NKAIN3: variants seen among roughly 807,000 people sequenced by gnomAD.
NKAIN3 encodes the protein sodium/potassium transporting ATPase interacting 3.
NKAIN3 carries 25 observed loss-of-function variants against 30.2 expected under a neutral mutation model. The observed-to-expected ratio is 0.83, with a 90% CI of 0.60 to 1.16. NKAIN3 has a LOEUF of 1.16. Ranked by LOEUF, NKAIN3 falls within the 50% of genes most tolerant of loss-of-function variation. The pLI is 0.00. For synonymous variants in NKAIN3, 91 were observed against 89.6 expected (o/e 1.02, Z -0.09); for missense variants, 225 against 254.1 (o/e 0.89, Z 0.78).
intron 2 of NKAIN3, among the ~76,000 whole-genome samples, chr8:62,580,107 C>A (rs1563468020): frequency 6.6e-6 from 1 of 152,044 alleles, no homozygotes; most frequent in African/African-American, 2.4e-5. Flanking sequence ...TCACTGAAAA[C>A]AATAATGTAT....
At position 62,699,381 on chromosome 8, in the gene NKAIN3, TA is replaced by T. The variant is rs1814261448; in HGVS notation, c.274-47546del. Among the ~76,000 whole-genome samples, 3 of 152,324 alleles carry T rather than the reference TA, an allele frequency of 2.0e-5. No homozygotes were observed. The South Asian group carries it at 6.2e-4, about 32-fold the overall frequency. The stretch of plus-strand genomic sequence containing the variant: ...TATTAAACTTTGAATGATGACCAAT[TA>T]AAAACGTCTTTAAATGGCATTGCCC... On this transcript the variant is annotated intron_variant, in intron 3 of 6. Coordinates refer to ENST00000623646, the MANE Select transcript of NKAIN3 (RefSeq NM_001304533.3).
In NKAIN3 at chr8:62,804,832, A is replaced by T; in HGVS notation, c.471+57703A>T. 1.3e-5 allele frequency among the ~76,000 whole-genome samples: 2 copies of T among 152,204 alleles called. 1 individual carries two copies. The highest frequency in any genetic ancestry group is 2.9e-5 in the Non-Finnish European group (2 of 68,038). ...TAGGCAGGAGAAGGAAATAAAGGGTATTCAATTAGGAAAAGAGGAAGTCAA... is the reference window on the plus strand; with the variant it reads ...TAGGCAGGAGAAGGAAATAAAGGGTTTTCAATTAGGAAAAGAGGAAGTCAA... On this transcript the variant is annotated intron_variant, in intron 4 of 6. Coordinates refer to ENST00000623646, the MANE Select transcript of NKAIN3 (RefSeq NM_001304533.3).
At chr8:62,323,760 TA>T (rs1815020244) in intron 1 of NKAIN3, among the ~76,000 whole-genome samples, 1 of 152,068 alleles carries the variant, frequency 6.6e-6, no homozygotes, top group Non-Finnish European at 1.5e-5. Context: ...GACAATGAAA[TA>T]TTATTGACCA....
At chr8:62,324,228 A>G (rs1023608227) in intron 1 of NKAIN3, among the ~76,000 whole-genome samples, 2 of 152,158 alleles carry the variant, frequency 1.3e-5, no homozygotes, top group African/African-American at 2.4e-5. Context: ...GAGAGGATAT[A>G]TAGGAACTCT....
intron 1 of NKAIN3, among the ~76,000 whole-genome samples, chr8:62,537,286 C>T (rs1480433255): frequency 1.9e-4 from 29 of 152,152 alleles, no homozygotes; most frequent in Admixed American, 1.9e-3. Context: ...AGGTTAAGGA[C>T]TCTTTGAAGC....
At chr8:62,408,730 A>T (rs1050624561) in intron 1 of NKAIN3, among the ~76,000 whole-genome samples, 1 of 152,164 alleles carries the variant, frequency 6.6e-6, no homozygotes, top group African/African-American at 2.4e-5. Context: ...CACTGCCATT[A>T]CCATGTCCAA....
chr8:62,864,151 G>A (rs1820347630), intron 4 of NKAIN3: 5 of 624,122 alleles, frequency 8.0e-6, no homozygotes, highest in Non-Finnish European at 1.4e-5. Context: ...GAAACCAGCC[G>A]GGCTGCGGCT....
intron 4 of NKAIN3, among the ~76,000 whole-genome samples, chr8:62,756,864 A>G (rs1816469461): frequency 6.6e-6 from 1 of 152,170 alleles, no homozygotes; most frequent in Non-Finnish European, 1.5e-5. Flanking sequence ...TAAACAACAG[A>G]ATTCAGTCTC....
intron 4 of NKAIN3, among the ~76,000 whole-genome samples, chr8:62,787,532 A>T (rs1817561418): frequency 6.6e-6 from 1 of 152,000 alleles, no homozygotes; most frequent in African/African-American, 2.4e-5. Context: ...CTTTTTTTAA[A>T]ATTATTATTA....
At chr8:62,419,498 A>G (rs1804564906) in intron 1 of NKAIN3, among the ~76,000 whole-genome samples, 1 of 152,244 alleles carries the variant, frequency 6.6e-6, no homozygotes, top group Non-Finnish European at 1.5e-5. Flanking sequence ...CTTACCTGCC[A>G]GTAAATGGCC....
intron 6 of NKAIN3, among the ~76,000 whole-genome samples, chr8:62,960,182 C>A (rs896157753): frequency 2.0e-5 from 3 of 152,096 alleles, no homozygotes; most frequent in Non-Finnish European, 4.4e-5. Flanking sequence ...TTTATTAGGA[C>A]GGAATGATGC....
chr8:62,832,511 C>T (rs1201977165), intron 4 of NKAIN3, among the ~76,000 whole-genome samples: 1 of 149,106 alleles, frequency 6.7e-6, no homozygotes, highest in Non-Finnish European at 1.5e-5. Flanking sequence ...AGACCCAACT[C>T]ACATGTAACA....
chr8:62,443,272 A>G (rs1805385690), intron 1 of NKAIN3, among the ~76,000 whole-genome samples: 1 of 152,252 alleles, frequency 6.6e-6, no homozygotes, highest in Admixed American at 6.5e-5. Flanking sequence ...GACTCATAAT[A>G]TGATTATTAT....
intron 1 of NKAIN3, among the ~76,000 whole-genome samples, chr8:62,492,750 G>T (rs1807111615): frequency 6.6e-6 from 1 of 152,066 alleles, no homozygotes; most frequent in African/African-American, 2.4e-5. Flanking sequence ...ATAGCAGTTT[G>T]TCTTTTTTAA....
intron 4 of NKAIN3, chr8:62,863,009 AACC>A: frequency 1.7e-6 from 1 of 593,464 alleles, no homozygotes; most frequent in South Asian, 1.8e-5. Flanking sequence ...GTTGGTATGT[AACC>A]ACACGTGTAC....
chr8:62,299,941 T>G lies in NKAIN3; in HGVS notation c.54+50814T>G, dbSNP rs533187831. On this transcript the variant is annotated intron_variant, in intron 1 of 6. Coordinates refer to ENST00000623646, the MANE Select transcript of NKAIN3 (RefSeq NM_001304533.3). ...ATTGATATGCTGCTTTAAATTGTAG[T>G]GTGGATCAGTACATTTTAAATAAGA... 3.9e-5 allele frequency among the ~76,000 whole-genome samples: 6 copies of G among 152,278 alleles called. No individual in the cohort carries two copies. The South Asian group carries it at 1.2e-3, about 32-fold the overall frequency.
At chr8:62,906,852 T>C (rs181008549) in intron 4 of NKAIN3, among the ~76,000 whole-genome samples, 82 of 152,270 alleles carry the variant, frequency 5.4e-4, no homozygotes, top group African/African-American at 1.8e-3. Context: ...TTATTAGCAG[T>C]GTGAGAACAG....
intron 4 of NKAIN3, among the ~76,000 whole-genome samples, chr8:62,849,011 C>G (rs776021806): frequency 3.3e-5 from 5 of 152,122 alleles, no homozygotes; most frequent in Non-Finnish European, 7.4e-5. Context: ...AGAGATGAAG[C>G]CAACTTGATT....
intron 4 of NKAIN3, among the ~76,000 whole-genome samples, chr8:62,769,893 G>T (rs1419542644): frequency 6.6e-6 from 1 of 152,036 alleles, no homozygotes; most frequent in East Asian, 1.9e-4. Context: ...TAGACACTGT[G>T]GGCCCCAATT....
Sources: gnomAD v4.1 joint callset for allele counts (sites outside exome capture counted in the v4.1 genomes callset) on GRCh38, gnomAD v4.1.1 for gene constraint, MANE v1.5 for transcripts, NCBI Gene and HGNC (gene_info 2026-07-23, HGNC 2026-07-21) for gene names.